Variants in LDHAL6A observed in about 807,000 individuals in gnomAD.
LDHAL6A encodes lactate dehydrogenase A like 6A, also known as L-lactate dehydrogenase A-like 6A.
Under a neutral mutation model 28.2 loss-of-function variants are expected in LDHAL6A, and 19 were observed. That is an observed-to-expected ratio of 0.67 (90% CI 0.47 to 0.99). The LOEUF (loss-of-function observed/expected upper bound fraction) is 0.99. Ranked by LOEUF, LDHAL6A falls within the 50% of genes least tolerant of loss-of-function variation. LDHAL6A has a pLI of 0.00. For missense variants in LDHAL6A, 372 were observed against 398.6 expected (o/e 0.93, Z 0.57); for synonymous variants, 144 against 134.4 (o/e 1.07, Z -0.49).
intron 3 of LDHAL6A, among the ~76,000 whole-genome samples, chr11:18,474,321 C>T (rs554939961): frequency 7.9e-5 from 12 of 151,998 alleles, no homozygotes; most frequent in Admixed American, 3.9e-4. Context: ...TCGTGATCCA[C>T]CCGCCTCGGC....
chr11:18,461,476 C>T (rs562712627), intron 1 of LDHAL6A, among the ~76,000 whole-genome samples: 62 of 151,936 alleles, frequency 4.1e-4, no homozygotes, highest in African/African-American at 1.5e-3. Context: ...AACACAAAGG[C>T]GTTATTTTTC....
chr11:18,474,163 T>G (rs768553030), intron 3 of LDHAL6A, among the ~76,000 whole-genome samples: 1 of 151,992 alleles, frequency 6.6e-6, no homozygotes, highest in African/African-American at 2.4e-5. Context: ...CACTGCAACC[T>G]TCACCTCCCG....
At chr11:18,465,864 A>C in intron 3 of LDHAL6A, 54 bp downstream of exon 3, 1 of 1,414,428 alleles carries the variant, frequency 7.1e-7, no homozygotes, top group Non-Finnish European at 9.9e-7. Flanking sequence ...TACACTGTGT[A>C]GGTTCATTAC....
At chr11:18,462,530 G>A (rs1312165690) in intron 1 of LDHAL6A, among the ~76,000 whole-genome samples, 82 of 151,504 alleles carry the variant, frequency 5.4e-4, no homozygotes, top group African/African-American at 1.7e-3. Flanking sequence ...CCAGCTACTC[G>A]GGAGGCTGAG....
intron 2 of LDHAL6A, among the ~76,000 whole-genome samples, chr11:18,464,973 T>TTTTGTTTG (rs1849012089): frequency 1.3e-4 from 1 of 7,634 alleles, no homozygotes; most frequent in African/African-American, 3.6e-4. Context: ...GAGGTGTTTT[T>TTTTGTTTG]TTTGTTTTTT....
At chr11:18,469,270 C>T in intron 3 of LDHAL6A, 1 of 565,886 alleles carries the variant, frequency 1.8e-6, no homozygotes, top group Non-Finnish European at 3.1e-6. Context: ...GAATCCCCAA[C>T]CTACTTTGAT....
Position 18,456,580 on chromosome 11 carries a change from T to C in LDHAL6A, c.-101T>C, listed in dbSNP as rs1226483412. 3.8e-6 allele frequency: 4 copies of C among 1,058,296 alleles called. No homozygotes were observed. The highest frequency in any genetic ancestry group is 2.1e-4 in the Middle Eastern group (1 of 4,836). 65.6% of individuals were successfully genotyped at this position (1,058,296 alleles called of 1,614,324 possible). A position where few individuals can be genotyped will look rare whatever the true frequency, so the allele number is the denominator to read the frequency against. On this transcript the variant is annotated 5_prime_UTR_variant, in exon 1 of 7. Transcript: ENST00000280706. ...TCCTTCCACACGGGCCCAGGAGTTC[T>C]CTATACGCGCTCTCACCGCAGGTCT...
intron 1 of LDHAL6A, among the ~76,000 whole-genome samples, chr11:18,462,667 CAAAAA>C (rs567746051): frequency 2.7e-5 from 2 of 74,882 alleles, no homozygotes; most frequent in South Asian, 6.7e-4. Context: ...AAAAAAAAAA[CAAAAA>C]AAACCCAAAA....
In LDHAL6A at chr11:18,456,253, C is replaced by G. The variant is rs1027846781; in HGVS notation, c.-428C>G. 1 of 177,630 alleles carries G rather than the reference C, an allele frequency of 5.6e-6. No homozygotes were observed. The highest frequency in any genetic ancestry group is 1.2e-5 in the Non-Finnish European group (1 of 85,146). The allele number at this position is 177,630 out of a possible 1,614,324, so 11.0% of individuals were successfully genotyped here. On this transcript the variant is annotated 5_prime_UTR_variant, in exon 1 of 7. Transcript: ENST00000280706. ...TGAGTGTGGCCAGAAGTACCTCTCA[C>G]CTGGACCTGCGGACCCCGGGCGCAG...
Position 18,478,927 on chromosome 11 carries a change from T to G in LDHAL6A, c.*57T>G. 2.2e-6 allele frequency: 3 copies of G among 1,376,140 alleles called. No homozygotes were observed. The South Asian group carries it at 3.9e-5, about 18-fold the overall frequency. The allele number at this position is 1,376,140 out of a possible 1,614,324, so 85.2% of individuals were successfully genotyped here. On this transcript the variant is annotated 3_prime_UTR_variant, in exon 7 of 7. Transcript: ENST00000280706. Reference sequence around the variant, plus strand: ...ATGAAATAGTAGTTATGGAATTGTATATGTCAAACTTTTGAATAAATTTGA... The same window carrying G: ...ATGAAATAGTAGTTATGGAATTGTAGATGTCAAACTTTTGAATAAATTTGA...
chr11:18,473,049 TAAA>T (rs538269604), intron 3 of LDHAL6A, among the ~76,000 whole-genome samples: 56 of 148,974 alleles, frequency 3.8e-4, no homozygotes, highest in African/African-American at 1.3e-3. Context: ...CTACTACACT[TAAA>T]AAAAAAACCC....
At chr11:18,464,794 GTACTT>G in intron 2 of LDHAL6A, among the ~76,000 whole-genome samples, 1 of 151,720 alleles carries the variant, frequency 6.6e-6, no homozygotes, top group East Asian at 1.9e-4. Flanking sequence ...CTTCACTACT[GTACTT>G]TATTCACTTG....
chr11:18,476,860 C>A (rs545965585), intron 5 of LDHAL6A, among the ~76,000 whole-genome samples: 1 of 152,288 alleles, frequency 6.6e-6, no homozygotes, highest in East Asian at 1.9e-4. Context: ...ACCACTGTGG[C>A]AGGGCATGGT....
intron 3 of LDHAL6A, among the ~76,000 whole-genome samples, chr11:18,474,100 G>A (rs560028826): frequency 6.6e-6 from 1 of 152,136 alleles, no homozygotes; most frequent in African/African-American, 2.4e-5. Flanking sequence ...TTCTTTTTGA[G>A]ACGGAGTCTT....
chr11:18,465,426 G>GTTTT (rs5790038), intron 2 of LDHAL6A, among the ~76,000 whole-genome samples: 15 of 139,988 alleles, frequency 1.1e-4, no homozygotes, highest in South Asian at 7.0e-4. Flanking sequence ...CATGACTTAC[G>GTTTT]TTTTTTTTTT....
At chr11:18,469,881 A>C (rs1412017460) in intron 3 of LDHAL6A, among the ~76,000 whole-genome samples, 48 of 152,248 alleles carry the variant, frequency 3.2e-4, no homozygotes. Flanking sequence ...GTATTAAGCT[A>C]CCAAAAATTG....
chr11:18,462,080 G>C (rs1289558866), intron 1 of LDHAL6A, among the ~76,000 whole-genome samples: 1 of 152,102 alleles, frequency 6.6e-6, no homozygotes, highest in South Asian at 2.1e-4. Context: ...GCTGAGGTGG[G>C]AGGATCATCT....
At chr11:18,475,798 C>A in intron 4 of LDHAL6A, 159 bp downstream of exon 4, 3 of 520,766 alleles carry the variant, frequency 5.8e-6, no homozygotes, top group South Asian at 4.0e-5. Flanking sequence ...TTTAAAATAA[C>A]CAACAAAAAA....
intron 3 of LDHAL6A, among the ~76,000 whole-genome samples, chr11:18,475,003 G>A (rs976616222): frequency 3.9e-5 from 6 of 152,184 alleles, no homozygotes; most frequent in African/African-American, 7.2e-5. Context: ...CACTTTGGGA[G>A]GCCAAGGTAG....
Sources: allele counts gnomAD v4.1 joint callset (sites outside exome capture counted in the v4.1 genomes callset), GRCh38; gene constraint gnomAD v4.1.1; transcripts MANE v1.5; gene names NCBI Gene and HGNC (gene_info 2026-07-23, HGNC 2026-07-21).